Variants in PRDM5 observed in about 807,000 individuals in gnomAD.
PRDM5 encodes PR/SET domain 5.
PRDM5 carries 56 observed loss-of-function variants against 81.2 expected under a neutral mutation model. The ratio of observed to expected loss-of-function variants is 0.69; its 90% CI spans 0.56 to 0.86. The LOEUF is 0.86. Among genes scored for constraint, PRDM5 ranks in the 40% least tolerant of loss-of-function variants. The pLI, the probability that PRDM5 is intolerant of heterozygous loss-of-function variation, is 0.00. For synonymous variants in PRDM5, 267 were observed against 256.4 expected (o/e 1.04, Z -0.39); for missense variants, 697 against 770.1 (o/e 0.91, Z 1.12).
intron 15 of PRDM5, among the ~76,000 whole-genome samples, chr4:120,697,492 T>C (rs557528397): frequency 6.6e-6 from 1 of 152,152 alleles, no homozygotes; most frequent in East Asian, 1.9e-4. Flanking sequence ...TTAGAAATAT[T>C]TTTCAGCTGT....
At position 120,872,024 on chromosome 4, in the gene PRDM5, G is replaced by A. The variant is rs184411830; in HGVS notation, c.178-18484C>T. On this transcript the variant is annotated intron_variant, in intron 2 of 15. Transcript: ENST00000264808. Reference sequence around the variant, plus strand: ...AAATTAGCCAGGCGTGGTGGCACACGCCTGTAATCCCACCTACTCAGGAGG... The same window carrying A: ...AAATTAGCCAGGCGTGGTGGCACACACCTGTAATCCCACCTACTCAGGAGG... Among the ~76,000 whole-genome samples, 1,212 of 151,732 alleles carry A rather than the reference G, an allele frequency of 8.0e-3. 6 individuals carry two copies. Among genetic ancestry groups the A allele is most frequent in the Non-Finnish European group, 0.013 (869 of 67,886 alleles).
intron 2 of PRDM5, among the ~76,000 whole-genome samples, chr4:120,887,224 G>A (rs997300724): frequency 1.3e-5 from 2 of 152,066 alleles, no homozygotes; most frequent in Admixed American, 6.6e-5. Context: ...GATTACAGGC[G>A]TGAGCCACTG....
intron 14 of PRDM5, among the ~76,000 whole-genome samples, chr4:120,742,460 T>C (rs1742187932): frequency 6.6e-6 from 1 of 152,168 alleles, no homozygotes; most frequent in Non-Finnish European, 1.5e-5. Flanking sequence ...AGAAGAAGGC[T>C]TCAGATGATC....
chr4:120,732,582 T>C (rs1476824042), intron 14 of PRDM5, among the ~76,000 whole-genome samples: 1 of 132,254 alleles, frequency 7.6e-6, no homozygotes, highest in African/African-American at 2.9e-5. Context: ...CTCAGGACAA[T>C]ACAACAGGTT....
intron 3 of PRDM5, among the ~76,000 whole-genome samples, chr4:120,843,227 G>A (rs1269962798): frequency 2.0e-5 from 3 of 152,102 alleles, no homozygotes; most frequent in South Asian, 4.2e-4. Flanking sequence ...CCAGCTACTC[G>A]GGAGGCTGAG....
At chr4:120,796,004 C>T (rs189816790) in intron 10 of PRDM5, among the ~76,000 whole-genome samples, 3 of 152,130 alleles carry the variant, frequency 2.0e-5, no homozygotes, top group Non-Finnish European at 2.9e-5. Flanking sequence ...TAAGAACCAA[C>T]CCAAAATAAC....
chr4:120,864,882 T>G (rs1324730986), intron 2 of PRDM5, among the ~76,000 whole-genome samples: 3 of 152,156 alleles, frequency 2.0e-5, no homozygotes, highest in Non-Finnish European at 1.5e-5. Context: ...TCTCTCTTAC[T>G]ATAGGTCATT....
intron 12 of PRDM5, among the ~76,000 whole-genome samples, chr4:120,779,352 T>C (rs17051250): frequency 0.21 from 31,608 of 152,114 alleles, 3,772 homozygotes; most frequent in Non-Finnish European, 0.28. Flanking sequence ...CAACACACTA[T>C]GAATATACTG....
intron 2 of PRDM5, among the ~76,000 whole-genome samples, chr4:120,880,551 G>A (rs1014311420): frequency 2.0e-5 from 3 of 151,948 alleles, no homozygotes; most frequent in Non-Finnish European, 4.4e-5. Context: ...AATTATTAAT[G>A]AGACATTTTA....
chr4:120,759,202 A>G (rs1316305426), intron 13 of PRDM5, among the ~76,000 whole-genome samples: 1 of 152,208 alleles, frequency 6.6e-6, no homozygotes, highest in African/African-American at 2.4e-5. Flanking sequence ...CTGAGCTGAC[A>G]TATCTGGGAA....
At position 120,694,108 on chromosome 4, in the gene PRDM5, CT is replaced by C. The variant is rs942470445; in HGVS notation, c.*1002del. On this transcript the variant is annotated 3_prime_UTR_variant, in exon 16 of 16. Transcript: ENST00000264808. Reference sequence around the variant, plus strand: ...CTACTGCCAAGATTCTGGAAAATGTCTTTTGCAAAATGGAATGTTAATGTTC... The same window carrying C: ...CTACTGCCAAGATTCTGGAAAATGTCTTTGCAAAATGGAATGTTAATGTTC... 6.6e-6 allele frequency: 1 copy of C among 152,018 alleles called. No individual in the cohort carries two copies. The highest frequency in any genetic ancestry group is 1.5e-5 in the Non-Finnish European group (1 of 67,990). 9.4% of individuals were successfully genotyped at this position (152,018 alleles called of 1,614,324 possible).
chr4:120,774,902 A>ATATATATATATATGTATATGTATATG (rs1553963976), intron 13 of PRDM5, among the ~76,000 whole-genome samples: 1 of 146,052 alleles, frequency 6.8e-6, no homozygotes, highest in African/African-American at 2.5e-5. Context: ...ATATATATAT[A>ATATATATATATATGTATATGTATATG]TATATGTATA....
chr4:120,889,861 C>T (rs1227060102), intron 2 of PRDM5, among the ~76,000 whole-genome samples: 5 of 152,144 alleles, frequency 3.3e-5, no homozygotes, highest in Non-Finnish European at 7.4e-5. Context: ...CAGCTCCACC[C>T]ATGTTGCTAC....
intron 14 of PRDM5, among the ~76,000 whole-genome samples, chr4:120,743,992 A>G (rs895967217): frequency 4.6e-5 from 7 of 152,154 alleles, no homozygotes; most frequent in African/African-American, 1.7e-4. Flanking sequence ...TTTCAGCACC[A>G]CACCACACCT....
intron 14 of PRDM5, among the ~76,000 whole-genome samples, chr4:120,735,721 C>T (rs1448219328): frequency 6.6e-6 from 1 of 152,104 alleles, no homozygotes; most frequent in African/African-American, 2.4e-5. Flanking sequence ...ATTCTCAAGA[C>T]GATGACTGGG....
At chr4:120,690,902 T>C (rs547821327), downstream of PRDM5, among the ~76,000 whole-genome samples, 56 of 152,260 alleles carry the variant, frequency 3.7e-4, no homozygotes, top group Non-Finnish European at 5.7e-4. Flanking sequence ...TAATTTAACA[T>C]CTTAGATTAG....
At chr4:120,788,449 T>G (rs981852360) in intron 10 of PRDM5, among the ~76,000 whole-genome samples, 1 of 152,188 alleles carries the variant, frequency 6.6e-6, no homozygotes, top group Admixed American at 6.6e-5. Context: ...AATGTTTGCT[T>G]TCTTCTTTAT....
intron 5 of PRDM5, among the ~76,000 whole-genome samples, chr4:120,817,380 A>T (rs77191033): frequency 0.033 from 4,996 of 152,296 alleles, 118 homozygotes; most frequent in Non-Finnish European, 0.052. Flanking sequence ...ATTTTAGTTC[A>T]ATGAAACACA....
At chr4:120,868,230 C>G (rs545958048) in intron 2 of PRDM5, among the ~76,000 whole-genome samples, 2 of 152,020 alleles carry the variant, frequency 1.3e-5, no homozygotes, top group African/African-American at 2.4e-5. Flanking sequence ...TTTTGCATAG[C>G]TGATTTTAAA....
Sources: gnomAD v4.1 joint callset for allele counts (sites outside exome capture counted in the v4.1 genomes callset) on GRCh38, gnomAD v4.1.1 for gene constraint, MANE v1.5 for transcripts, NCBI Gene and HGNC (gene_info 2026-07-23, HGNC 2026-07-21) for gene names.